GRM5: variants seen among roughly 807,000 people sequenced by gnomAD.
GRM5 encodes glutamate metabotropic receptor 5.
GRM5 carries 19 observed loss-of-function variants against 83.1 expected under a neutral mutation model. The ratio of observed to expected loss-of-function variants is 0.23; its 90% confidence interval spans 0.16 to 0.34. The LOEUF (loss-of-function observed/expected upper bound fraction) is 0.34, where lower values mean the gene tolerates loss of function less well. Among genes scored for constraint, GRM5 ranks in the 10% least tolerant of loss-of-function variants. GRM5 has a pLI of 1.00. For missense variants in GRM5, 1,160 were observed against 1,588.3 expected (o/e 0.73, Z 4.58); for synonymous variants, 675 against 633.6 (o/e 1.07, Z -0.98).
At chr11:89,032,458 C>T (rs562323020) in intron 2 of GRM5, among the ~76,000 whole-genome samples, 5 of 152,136 alleles carry the variant, frequency 3.3e-5, no homozygotes, top group East Asian at 1.9e-4. Context: ...CCAGGAGCCT[C>T]GTTCTGTGCA....
intron 3 of GRM5, among the ~76,000 whole-genome samples, chr11:88,688,915 A>C (rs1021682883): frequency 6.6e-6 from 1 of 152,174 alleles, no homozygotes; most frequent in African/African-American, 2.4e-5. Context: ...CATGTGAGAC[A>C]AAAGAACCAA....
At chr11:88,997,548 G>GA (rs1940228254) in intron 2 of GRM5, among the ~76,000 whole-genome samples, 1 of 151,682 alleles carries the variant, frequency 6.6e-6, no homozygotes, top group South Asian at 2.1e-4. Flanking sequence ...TAAGAAGACT[G>GA]AAAAAAATGA....
chr11:88,670,685 A>G (rs1940168978), intron 3 of GRM5, among the ~76,000 whole-genome samples: 2 of 152,130 alleles, frequency 1.3e-5, no homozygotes. Flanking sequence ...ATTTGAAATG[A>G]CCAGTGAATG....
At chr11:88,920,186 T>G (rs1945663821) in intron 2 of GRM5, among the ~76,000 whole-genome samples, 2 of 151,734 alleles carry the variant, frequency 1.3e-5, no homozygotes, top group South Asian at 2.1e-4. Context: ...GATCAAAATT[T>G]TAAAATCAGA....
chr11:88,588,669 G>T (rs1414681695), intron 7 of GRM5, among the ~76,000 whole-genome samples: 2 of 152,086 alleles, frequency 1.3e-5, no homozygotes, highest in Admixed American at 1.3e-4. Context: ...TACTTCTTCA[G>T]AGAGAAATTA....
intron 4 of GRM5, among the ~76,000 whole-genome samples, chr11:88,643,111 C>T (rs1382206169): frequency 6.6e-6 from 1 of 151,942 alleles, no homozygotes; most frequent in Non-Finnish European, 1.5e-5. Context: ...GTTTAATTGG[C>T]TCGTGGTTCT....
chr11:88,990,512 T>G (rs1234573966), intron 2 of GRM5, among the ~76,000 whole-genome samples: 1 of 151,588 alleles, frequency 6.6e-6, no homozygotes, highest in Non-Finnish European at 1.5e-5. Context: ...ACTCATTTTA[T>G]GAGGCCAGCA....
intron 4 of GRM5, among the ~76,000 whole-genome samples, chr11:88,649,102 T>C (rs1235694098): frequency 7.0e-6 from 1 of 143,874 alleles, no homozygotes; most frequent in Non-Finnish European, 1.5e-5. Context: ...ATATATAATA[T>C]ATATTAAATA....
intron 2 of GRM5, among the ~76,000 whole-genome samples, chr11:88,884,094 G>T (rs1441113344): frequency 6.6e-6 from 1 of 152,084 alleles, no homozygotes; most frequent in African/African-American, 2.4e-5. Flanking sequence ...ACCCAGAATG[G>T]TAGATACACC....
At chr11:88,785,794 A>T (rs1943057591) in intron 3 of GRM5, among the ~76,000 whole-genome samples, 1 of 152,094 alleles carries the variant, frequency 6.6e-6, no homozygotes, top group Admixed American at 6.6e-5. Context: ...ACCATTTTTG[A>T]CATGGTTAGC....
chr11:89,029,479 G>A (rs1941209857), intron 2 of GRM5, among the ~76,000 whole-genome samples: 1 of 152,108 alleles, frequency 6.6e-6, no homozygotes, highest in South Asian at 2.1e-4. Flanking sequence ...GGTATAATTT[G>A]ATAGCAGGAC....
chr11:88,779,739 AG>A (rs903085227), intron 3 of GRM5, among the ~76,000 whole-genome samples: 1 of 152,124 alleles, frequency 6.6e-6, no homozygotes. Context: ...TTGGATTCTT[AG>A]TCACCGAAAA....
At chr11:89,028,478 A>T (rs1395720789) in intron 2 of GRM5, among the ~76,000 whole-genome samples, 1 of 152,124 alleles carries the variant, frequency 6.6e-6, no homozygotes, top group Non-Finnish European at 1.5e-5. Flanking sequence ...GTTCTAGATC[A>T]GGGACTGAGA....
chr11:89,033,116 T>G (rs1941300804), intron 2 of GRM5, among the ~76,000 whole-genome samples: 1 of 152,020 alleles, frequency 6.6e-6, no homozygotes, highest in African/African-American at 2.4e-5. Context: ...CAGGCAGTCT[T>G]ACACTTACAA....
intron 3 of GRM5, among the ~76,000 whole-genome samples, chr11:88,694,736 A>G (rs900441380): frequency 1.3e-5 from 2 of 152,070 alleles, no homozygotes; most frequent in African/African-American, 4.8e-5. Flanking sequence ...TTATTTAGAG[A>G]GCAATGTTAT....
At chr11:88,672,273 C>T (rs1211776699) in intron 3 of GRM5, among the ~76,000 whole-genome samples, 3 of 151,950 alleles carry the variant, frequency 2.0e-5, no homozygotes, top group Non-Finnish European at 2.9e-5. Context: ...AAATTCAGTA[C>T]AGTCCAAGTA....
intron 2 of GRM5, among the ~76,000 whole-genome samples, chr11:88,906,859 C>G (rs1014060191): frequency 6.6e-6 from 1 of 152,126 alleles, no homozygotes; most frequent in Non-Finnish European, 1.5e-5. Context: ...GCTAAGGAAT[C>G]CACGCCAGAA....
intron 3 of GRM5, among the ~76,000 whole-genome samples, chr11:88,751,087 A>AT (rs1416640263): frequency 1.2e-4 from 18 of 147,000 alleles, no homozygotes; most frequent in South Asian, 4.2e-4. Context: ...AAAAAAAAAA[A>AT]AAAAAAAACA....
At chr11:88,802,977 A>T (rs1195007050) in intron 3 of GRM5, among the ~76,000 whole-genome samples, 1 of 144,024 alleles carries the variant, frequency 6.9e-6, no homozygotes, top group Admixed American at 6.8e-5. Flanking sequence ...CCAACTTACA[A>T]GGGACATGAA....
Sources: allele counts gnomAD v4.1 joint callset (sites outside exome capture counted in the v4.1 genomes callset), GRCh38; gene constraint gnomAD v4.1.1; transcripts MANE v1.5; gene names NCBI Gene and HGNC (gene_info 2026-07-23, HGNC 2026-07-21).